The following NTRK2 variants were observed in gnomAD, a reference collection of about 807,000 sequenced individuals.
NTRK2 encodes the protein BDNF/NT-3 growth factors receptor.
Under a neutral mutation model 94.5 loss-of-function variants are expected in NTRK2, and 13 were observed. The ratio of observed to expected loss-of-function variants is 0.14; its 90% CI spans 0.09 to 0.22. NTRK2 has a LOEUF of 0.22. Ranked by LOEUF, NTRK2 falls within the 10% of genes least tolerant of loss-of-function variation. The pLI, the probability that NTRK2 is intolerant of heterozygous loss-of-function variation, is 1.00. For synonymous variants in NTRK2, 372 were observed against 407.4 expected (o/e 0.91, Z 1.05); for missense variants, 639 against 1,071.2 (o/e 0.60, Z 5.63).
At chr9:84,746,683 C>A (rs764424255) in intron 11 of NTRK2, among the ~76,000 whole-genome samples, 1 of 152,096 alleles carries the variant, frequency 6.6e-6, no homozygotes, top group African/African-American at 2.4e-5. Context: ...TTACTGCTTG[C>A]CACCTGCCTT....
At chr9:84,988,471 C>CACACTCATTCAT (rs1828640571) in intron 17 of NTRK2, among the ~76,000 whole-genome samples, 1 of 152,174 alleles carries the variant, frequency 6.6e-6, no homozygotes, top group African/African-American at 2.4e-5. Flanking sequence ...CACTCACTTA[C>CACACTCATTCAT]ACACTCATTC....
intron 12 of NTRK2, among the ~76,000 whole-genome samples, chr9:84,828,663 GTTGA>G (rs1366920897): frequency 6.6e-6 from 1 of 152,142 alleles, no homozygotes; most frequent in Non-Finnish European, 1.5e-5. Context: ...AATTTTATTG[GTTGA>G]TTATTTTTGG....
At chr9:84,987,723 C>T (rs1015792989) in intron 17 of NTRK2, among the ~76,000 whole-genome samples, 2 of 152,098 alleles carry the variant, frequency 1.3e-5, no homozygotes, top group African/African-American at 4.8e-5. Context: ...TTATTTACTA[C>T]CACTAAATTA....
chr9:84,860,256 C>T (rs2075268817), intron 12 of NTRK2, among the ~76,000 whole-genome samples: 1 of 152,138 alleles, frequency 6.6e-6, no homozygotes, highest in Admixed American at 6.6e-5. Context: ...GCGGAAATTA[C>T]CTAGGAGGAA....
intron 14 of NTRK2, chr9:84,877,493 G>C (rs200513887): frequency 9.4e-7 from 1 of 1,066,308 alleles, no homozygotes; most frequent in East Asian, 5.0e-5. Flanking sequence ...GTGTATTACT[G>C]TGATTCTCTC....
At chr9:84,817,800 C>G (rs55769032) in intron 12 of NTRK2, among the ~76,000 whole-genome samples, 4,988 of 152,232 alleles carry the variant, frequency 0.033, 147 homozygotes, top group Admixed American at 0.084. Flanking sequence ...CTTTTCCTTC[C>G]TGAAGTTGTT....
chr9:84,799,631 T>A (rs988948606), intron 12 of NTRK2, among the ~76,000 whole-genome samples: 3 of 152,172 alleles, frequency 2.0e-5, no homozygotes, highest in Admixed American at 2.0e-4. Flanking sequence ...ATTATTTTCA[T>A]TTGAATTCTG....
chr9:84,876,556 A>G (rs1324112453), intron 14 of NTRK2: 2 of 1,056,592 alleles, frequency 1.9e-6, no homozygotes, highest in African/African-American at 3.3e-5. Context: ...TTAATAGAGT[A>G]CTTGAGCCAG....
chr9:84,811,523 A>G (rs1213442555), intron 12 of NTRK2: 2 of 1,064,146 alleles, frequency 1.9e-6, no homozygotes, highest in African/African-American at 1.6e-5. Flanking sequence ...ACAGTATCTC[A>G]TGCTGTTTGC....
chr9:85,007,237 A>T, intron 17 of NTRK2, among the ~76,000 whole-genome samples: 1 of 152,232 alleles, frequency 6.6e-6, no homozygotes, highest in East Asian at 1.9e-4. Context: ...CTGTTGGACA[A>T]GTAGAAGTTA....
chr9:84,758,555 C>G (rs1022912663), intron 12 of NTRK2, among the ~76,000 whole-genome samples: 1 of 152,074 alleles, frequency 6.6e-6, no homozygotes, highest in Non-Finnish European at 1.5e-5. Context: ...CCACGCCCGG[C>G]TAATTTTGTA....
chr9:85,008,571 C>T (rs1263583157), intron 17 of NTRK2, among the ~76,000 whole-genome samples: 1 of 152,182 alleles, frequency 6.6e-6, no homozygotes, highest in East Asian at 1.9e-4. Flanking sequence ...AACTATCTCA[C>T]TTGAACCTCA....
chr9:84,936,185 C>T (rs1170667581), intron 15 of NTRK2, among the ~76,000 whole-genome samples: 1 of 152,122 alleles, frequency 6.6e-6, no homozygotes, highest in Non-Finnish European at 1.5e-5. Context: ...GAGATAGAGC[C>T]AACAGATTTC....
At chr9:84,950,721 T>C (rs1423300108) in intron 16 of NTRK2, among the ~76,000 whole-genome samples, 1 of 152,232 alleles carries the variant, frequency 6.6e-6, no homozygotes, top group East Asian at 1.9e-4. Context: ...GGGCACAGTT[T>C]CCTTACCTGT....
At chr9:84,962,073 A>G (rs1266481660) in intron 17 of NTRK2, among the ~76,000 whole-genome samples, 1 of 152,162 alleles carries the variant, frequency 6.6e-6, no homozygotes, top group East Asian at 1.9e-4. Context: ...CATGCCAAAG[A>G]CTTTGGACTT....
At chr9:84,954,288 T>C (rs1222136337) in intron 16 of NTRK2, among the ~76,000 whole-genome samples, 1 of 152,132 alleles carries the variant, frequency 6.6e-6, no homozygotes, top group African/African-American at 2.4e-5. Context: ...GCAATGACGC[T>C]CATCTTGGCT....
chr9:84,876,378 G>T (rs2076067710), intron 14 of NTRK2: 2 of 1,053,004 alleles, frequency 1.9e-6, no homozygotes, highest in Non-Finnish European at 2.3e-6. Context: ...CTACAGGAAT[G>T]ATTACTTTTC....
intron 17 of NTRK2, among the ~76,000 whole-genome samples, chr9:85,000,819 CT>C (rs1417845207): frequency 2.8e-4 from 42 of 152,144 alleles, no homozygotes; most frequent in African/African-American, 8.0e-4. Context: ...GAATGTTTAG[CT>C]TTGTAAGACA....
At chr9:84,998,132 A>G (rs1239513166) in intron 17 of NTRK2, among the ~76,000 whole-genome samples, 3 of 152,224 alleles carry the variant, frequency 2.0e-5, no homozygotes, top group Non-Finnish European at 4.4e-5. Context: ...AGTGGGAGGC[A>G]GAAGCCTGAA....
Sources: gnomAD v4.1 joint callset for allele counts (sites outside exome capture counted in the v4.1 genomes callset) on GRCh38, gnomAD v4.1.1 for gene constraint, MANE v1.5 for transcripts, NCBI Gene and HGNC (gene_info 2026-07-23, HGNC 2026-07-21) for gene names.